EIF2AK4: variants seen among roughly 807,000 people sequenced by gnomAD.
The protein encoded by EIF2AK4 is eIF-2-alpha kinase GCN2.
Under a neutral mutation model 211.1 loss-of-function variants are expected in EIF2AK4, and 139 were observed. That is an observed-to-expected ratio of 0.66 (90% confidence interval 0.57 to 0.76). The LOEUF is 0.76. Ranked by LOEUF, EIF2AK4 falls within the 30% of genes least tolerant of loss-of-function variation. The probability of loss-of-function intolerance (pLI) is 0.00; values close to 1 mark genes in which losing one functional copy is unlikely to be tolerated. For missense variants in EIF2AK4, 1,664 were observed against 2,043.8 expected (o/e 0.81, Z 3.58); for synonymous variants, 710 against 751.3 (o/e 0.94, Z 0.90).
chr15:39,988,236 T>C, intron 15 of EIF2AK4, 131 bp downstream of exon 15: 1 of 961,142 alleles, frequency 1.0e-6, no homozygotes, highest in Non-Finnish European at 1.5e-6. Flanking sequence ...ACATAATCTA[T>C]TTTTGTAGGA....
At chr15:39,978,528 G>A (rs1218544127) in intron 13 of EIF2AK4, among the ~76,000 whole-genome samples, 4 of 152,136 alleles carry the variant, frequency 2.6e-5, no homozygotes, top group Admixed American at 6.5e-5. Flanking sequence ...TCTGTCCCAC[G>A]TCAATTAATC....
At chr15:40,016,827 T>G (rs2035307833) in intron 28 of EIF2AK4, among the ~76,000 whole-genome samples, 155 bp downstream of exon 28, 1 of 152,190 alleles carries the variant, frequency 6.6e-6, no homozygotes, top group Non-Finnish European at 1.5e-5. Flanking sequence ...TAGTAATAAT[T>G]TTGGCTTAAA....
chr15:40,022,132 C>A, intron 31 of EIF2AK4: 1 of 168,508 alleles, frequency 5.9e-6, no homozygotes, highest in Non-Finnish European at 1.2e-5. Context: ...TGCTTTTCAC[C>A]TTCCCTTATT....
chr15:39,984,556 GA>G (rs1432518827), intron 13 of EIF2AK4, among the ~76,000 whole-genome samples: 2 of 152,152 alleles, frequency 1.3e-5, no homozygotes, highest in Non-Finnish European at 2.9e-5. Context: ...TCTCCTTGAA[GA>G]GGTCCTTCAC....
Position 39,972,993 on chromosome 15 carries a change from C to G in EIF2AK4, c.1639C>G (p.Leu547Val), listed in dbSNP as rs2034646076. The G allele has an allele frequency of 1.9e-6, 3 of 1,613,884 alleles. No homozygotes were observed. Among genetic ancestry groups the G allele is most frequent in the East Asian group, 2.2e-5 (1 of 44,878 alleles). ...TATAAATCCCCAGCCAAAAATGCCT[C>G]TAGTGGAACAAAGTCCTGAAGGTGA... The part of the protein sequence containing the change: ...SFINPQPKMP[L>V]VEQSPEDSEG... Residue 547 changes from leucine to valine, a missense_variant, in exon 10 of 39, where the codon CTA (leucine) becomes GTA (valine). Physicochemically the swap from Leu to Val is conservative, Grantham distance 32 (BLOSUM62 1). This residue lies in a region of EIF2AK4 where 641 missense variants were observed against 729.6 expected (regional missense o/e 0.88). Transcript: ENST00000263791.
intron 6 of EIF2AK4, among the ~76,000 whole-genome samples, chr15:39,960,029 T>C (rs1396458088): frequency 1.3e-5 from 2 of 151,978 alleles, no homozygotes; most frequent in East Asian, 3.9e-4. Context: ...CTAGGCATGG[T>C]GGCGGGGGCC....
intron 27 of EIF2AK4, among the ~76,000 whole-genome samples, chr15:40,013,010 TTGA>T (rs1160250186): frequency 6.6e-6 from 1 of 152,182 alleles, no homozygotes; most frequent in African/African-American, 2.4e-5. Flanking sequence ...ATGGAGTTAG[TTGA>T]TGATAGGGTG....
intron 3 of EIF2AK4, among the ~76,000 whole-genome samples, chr15:39,948,601 T>C (rs1451610813): frequency 6.6e-6 from 1 of 152,252 alleles, no homozygotes; most frequent in African/African-American, 2.4e-5. Flanking sequence ...GACCAGTTAC[T>C]AACAAGGAGA....
intron 30 of EIF2AK4, chr15:40,020,512 ATATTTATTTATTTATT>A (rs10533369): frequency 7.9e-6 from 1 of 126,488 alleles, no homozygotes; most frequent in Non-Finnish European, 1.8e-5. Context: ...ATATGTATAT[ATATTTATTTATTTATT>A]TATTTATTTA....
rs749814561 is a variant in EIF2AK4 at position 39,993,052 on chromosome 15, CCATCCATCCATCCATCCATCCATT to C, written c.2766+228_2766+251del. 0.099 allele frequency among the ~76,000 whole-genome samples: 13,081 copies of C among 132,318 alleles called. 731 individuals are homozygous for C. The highest frequency in any genetic ancestry group is 0.15 in the Non-Finnish European group (8,279 of 55,982). The allele number at this position is 132,318 out of a possible 152,430, so 86.8% of individuals were successfully genotyped here. On this transcript the variant is annotated intron_variant, in intron 18 of 38. Coordinates refer to ENST00000263791, the MANE Select transcript of EIF2AK4 (RefSeq NM_001013703.4). ...ACAGTCCATCCATCCATCCATCCAT[CCATCCATCCATCCATCCATCCATT>C]CATCCATCCATCCATCCATCCATCC...
chr15:40,027,756 T>C (rs1750079111), intron 33 of EIF2AK4, among the ~76,000 whole-genome samples: 1 of 151,932 alleles, frequency 6.6e-6, no homozygotes, highest in Non-Finnish European at 1.5e-5. Context: ...CGGGGCATGG[T>C]GGCGGGCACC....
At chr15:39,970,017 T>C (rs1323516769) in intron 9 of EIF2AK4, among the ~76,000 whole-genome samples, 1 of 152,212 alleles carries the variant, frequency 6.6e-6, no homozygotes, top group Non-Finnish European at 1.5e-5. Flanking sequence ...TCTGTGAAAC[T>C]GGGATAATAG....
intron 1 of EIF2AK4, among the ~76,000 whole-genome samples, chr15:39,938,620 C>T (rs770700326): frequency 1.1e-4 from 17 of 152,194 alleles, no homozygotes; most frequent in African/African-American, 1.7e-4. Context: ...ATCCCAGCAA[C>T]TTAGGATGGC....
intron 13 of EIF2AK4, among the ~76,000 whole-genome samples, chr15:39,983,099 T>A (rs557004077): frequency 7.9e-5 from 12 of 152,346 alleles, no homozygotes; most frequent in African/African-American, 2.9e-4. Flanking sequence ...TTTCTAGTTC[T>A]AGATCCTTGA....
At chr15:40,033,749 G>A (rs1040357437) in intron 37 of EIF2AK4, among the ~76,000 whole-genome samples, 1 of 152,158 alleles carries the variant, frequency 6.6e-6, no homozygotes, top group Non-Finnish European at 1.5e-5. Context: ...AACAGAGGCC[G>A]GGTGCAGTGG....
intron 13 of EIF2AK4, among the ~76,000 whole-genome samples, chr15:39,980,319 A>G (rs971263140): frequency 2.6e-5 from 4 of 152,192 alleles, no homozygotes; most frequent in Admixed American, 1.3e-4. Context: ...AAATCCATCA[A>G]GCTGAAAATC....
intron 29 of EIF2AK4, among the ~76,000 whole-genome samples, chr15:40,017,501 C>CTATA (rs202237104): frequency 2.5e-3 from 66 of 25,976 alleles, no homozygotes; most frequent in South Asian, 3.9e-3. Flanking sequence ...TACTCTGTTT[C>CTATA]TATATATATA....
intron 24 of EIF2AK4, 111 bp from the exon 25 acceptor site, chr15:40,007,916 C>T: frequency 2.4e-6 from 2 of 831,162 alleles, no homozygotes; most frequent in Non-Finnish European, 3.5e-6. Flanking sequence ...CTTGATCATA[C>T]CACCGATTAA....
chr15:40,017,420 T>G (rs1201331126), intron 29 of EIF2AK4, among the ~76,000 whole-genome samples, 178 bp downstream of exon 29: 1 of 149,234 alleles, frequency 6.7e-6, no homozygotes, highest in Non-Finnish European at 1.5e-5. Context: ...TGTAGTTGTT[T>G]AAGCTTAAAA....
Sources: gnomAD v4.1 joint callset for allele counts (sites outside exome capture counted in the v4.1 genomes callset) on GRCh38, gnomAD v4.1.1 for gene constraint, gnomAD v4.1.1 regional missense constraint, MANE v1.5 for transcripts, NCBI Gene and HGNC (gene_info 2026-07-23, HGNC 2026-07-21) for gene names.